The following SPATS2 variants were observed in gnomAD, a reference collection of about 807,000 sequenced individuals.
SPATS2 encodes spermatogenesis associated serine rich 2.
In SPATS2, 38 loss-of-function variants were observed where a neutral mutation model predicts 63.7. The ratio of observed to expected loss-of-function variants is 0.60; its 90% confidence interval spans 0.46 to 0.78. SPATS2 has a LOEUF of 0.78. Among genes scored for constraint, SPATS2 ranks in the 30% least tolerant of loss-of-function variants. The pLI is 0.00. For synonymous variants in SPATS2, 207 were observed against 232.9 expected, an observed-to-expected ratio of 0.89 and a Z score of 1.01; for missense variants, 588 against 666.2, an observed-to-expected ratio of 0.88 and a Z score of 1.29.
intron 9 of SPATS2, among the ~76,000 whole-genome samples, chr12:49,509,277 T>C: frequency 8.1e-6 from 1 of 123,728 alleles, no homozygotes; most frequent in Non-Finnish European, 1.7e-5. Context: ...TAACTTCTTT[T>C]TTTTTTTTTT....
At chr12:49,479,951 C>T (rs1217128519) in intron 3 of SPATS2, among the ~76,000 whole-genome samples, 2 of 152,066 alleles carry the variant, frequency 1.3e-5, no homozygotes, top group African/African-American at 4.8e-5. Flanking sequence ...TGACTTTGGG[C>T]AAGGAGTAGT....
chr12:49,479,893 G>A (rs973145327), intron 3 of SPATS2, among the ~76,000 whole-genome samples: 1 of 152,218 alleles, frequency 6.6e-6, no homozygotes, highest in Non-Finnish European at 1.5e-5. Context: ...CTAATGTAAA[G>A]CATAAAACCT....
intron 9 of SPATS2, among the ~76,000 whole-genome samples, chr12:49,504,909 G>A (rs1038048269): frequency 2.6e-5 from 4 of 151,488 alleles, no homozygotes; most frequent in South Asian, 4.2e-4. Flanking sequence ...ACTACAAGGC[G>A]GGTGCAACCA....
intron 3 of SPATS2, among the ~76,000 whole-genome samples, chr12:49,483,578 G>C (rs1946241282): frequency 6.6e-6 from 1 of 152,084 alleles, no homozygotes; most frequent in Non-Finnish European, 1.5e-5. Flanking sequence ...TTAATTCAAG[G>C]TTCAAGATTA....
chr12:49,424,112 A>G (rs897760190), intron 2 of SPATS2, among the ~76,000 whole-genome samples: 1 of 152,182 alleles, frequency 6.6e-6, no homozygotes, highest in African/African-American at 2.4e-5. Flanking sequence ...CTGAGGCAGG[A>G]GAATCACTTG....
chr12:49,496,388 C>G (rs1329611374), intron 7 of SPATS2, among the ~76,000 whole-genome samples: 2 of 152,238 alleles, frequency 1.3e-5, no homozygotes, highest in Non-Finnish European at 2.9e-5. Flanking sequence ...CCTGGGATTA[C>G]TGGCGTGAGC....
intron 2 of SPATS2, among the ~76,000 whole-genome samples, chr12:49,415,962 C>T (rs1200948850): frequency 6.6e-6 from 1 of 151,762 alleles, no homozygotes; most frequent in African/African-American, 2.4e-5. Flanking sequence ...CCTTGGCTTA[C>T]ACTCTCAAGG....
chr12:49,426,314 C>A (rs1203163349), intron 2 of SPATS2, among the ~76,000 whole-genome samples: 5 of 151,920 alleles, frequency 3.3e-5, no homozygotes, highest in African/African-American at 1.2e-4. Flanking sequence ...AGATCAGGAT[C>A]CTAGAAGCCC....
At chr12:49,403,636 CACACAA>C (rs1246549786) in intron 2 of SPATS2, among the ~76,000 whole-genome samples, 42 of 146,274 alleles carry the variant, frequency 2.9e-4, no homozygotes, top group African/African-American at 1.1e-3. Context: ...CACACACACA[CACACAA>C]ACAAAACTGG....
chr12:49,395,005 G>A (rs1454981339), intron 2 of SPATS2, among the ~76,000 whole-genome samples: 2 of 151,634 alleles, frequency 1.3e-5, no homozygotes, highest in African/African-American at 2.4e-5. Context: ...CCCAGGAGGC[G>A]GAGGTTGCAG....
intron 2 of SPATS2, among the ~76,000 whole-genome samples, chr12:49,393,128 A>AT (rs887997318): frequency 6.6e-5 from 10 of 150,490 alleles, no homozygotes; most frequent in South Asian, 2.2e-4. Context: ...TTGGAGTCGT[A>AT]TTTTTTTTTA....
chr12:49,461,620 A>G (rs577763906), intron 3 of SPATS2, among the ~76,000 whole-genome samples: 1 of 152,362 alleles, frequency 6.6e-6, no homozygotes, highest in South Asian at 2.1e-4. Flanking sequence ...TAATTGGAAT[A>G]TATTGATTAA....
chr12:49,485,188 C>T (rs992092848), intron 4 of SPATS2, among the ~76,000 whole-genome samples: 1 of 151,460 alleles, frequency 6.6e-6, no homozygotes, highest in Non-Finnish European at 1.5e-5. Flanking sequence ...GCCTCAGCCT[C>T]TCCAAGTAGC....
At chr12:49,386,619 G>A (rs975705894) in intron 2 of SPATS2, among the ~76,000 whole-genome samples, 29 of 152,184 alleles carry the variant, frequency 1.9e-4, no homozygotes, top group African/African-American at 7.0e-4. Context: ...GGGATAGAGG[G>A]TACCTGTGTA....
At chr12:49,514,324 A>C (rs1212575622) in intron 9 of SPATS2, 1 of 476,450 alleles carries the variant, frequency 2.1e-6, no homozygotes, top group African/African-American at 2.0e-5. Flanking sequence ...GCAATGTACC[A>C]ATATTGCAAT....
intron 2 of SPATS2, among the ~76,000 whole-genome samples, chr12:49,453,507 AATT>A (rs1206897918): frequency 2.0e-5 from 3 of 151,944 alleles, no homozygotes; most frequent in African/African-American, 4.8e-5. Context: ...ATATTTTTTA[AATT>A]ATTATTTAAA....
In SPATS2 at chr12:49,500,194, A is replaced by G; in HGVS notation, c.828A>G (p.Glu276=). 1.9e-6 allele frequency: 3 copies of G among 1,595,470 alleles called. No homozygotes were observed. The highest frequency in any genetic ancestry group is 2.6e-6 in the Non-Finnish European group (3 of 1,175,182). Residue 276 remains glutamate (E), a synonymous_variant, in exon 9 of 14, where the codon GAA becomes GAG. Coordinates refer to ENST00000552918, the MANE Select transcript of SPATS2 (RefSeq NM_023071.4). ...SIKKMKQAFA[E]LESCLMDREV... ...AGAAAATGAAACAAGCCTTTGCTGA[A>G]TTGGAGAGCTGGTAATTTAAGCTGC...
intron 9 of SPATS2, among the ~76,000 whole-genome samples, chr12:49,511,276 AAT>A (rs1156550516): frequency 6.6e-6 from 1 of 152,196 alleles, no homozygotes; most frequent in Admixed American, 6.5e-5. Flanking sequence ...GAAGGAAGGA[AAT>A]ATAGAACATT....
rs1945807483 is a variant in SPATS2, at chr12:49,460,706, C to T, written c.-243-64C>T. Reference sequence around the variant, plus strand: ...TACAAAAGAAACCTTGTGGATATCTCAGAAATTTTGTACAGATAGTCATTA... The same window carrying T: ...TACAAAAGAAACCTTGTGGATATCTTAGAAATTTTGTACAGATAGTCATTA... On this transcript the variant is annotated intron_variant, in intron 2 of 13. Coordinates refer to ENST00000552918, the MANE Select transcript of SPATS2 (RefSeq NM_023071.4). The T allele has an allele frequency of 9.6e-6, 3 of 314,010 alleles. No individual in the cohort carries two copies. The South Asian group carries it at 2.0e-4, about 21-fold the overall frequency. 19.5% of individuals were successfully genotyped at this position (314,010 alleles called of 1,614,324 possible). A position where few individuals can be genotyped will look rare whatever the true frequency, so the allele number is the denominator to read the frequency against.
Sources: gnomAD v4.1 joint callset for allele counts (sites outside exome capture counted in the v4.1 genomes callset) on GRCh38, gnomAD v4.1.1 for gene constraint, MANE v1.5 for transcripts, NCBI Gene and HGNC (gene_info 2026-07-23, HGNC 2026-07-21) for gene names.